The following ELAVL2 variants were observed in gnomAD, a reference collection of about 807,000 sequenced individuals.
The protein encoded by ELAVL2 is ELAV-like protein 2.
In ELAVL2, 4 loss-of-function variants were observed where a neutral mutation model predicts 34.6. That is an observed-to-expected ratio of 0.12 (90% CI 0.06 to 0.26). The LOEUF is 0.26. Among genes scored for constraint, ELAVL2 ranks in the 10% least tolerant of loss-of-function variants. ELAVL2 has a pLI of 1.00. For missense variants in ELAVL2, 432 were observed against 442.8 expected, an observed-to-expected ratio of 0.98 and a Z score of 0.22; for synonymous variants, 193 against 154.8, an observed-to-expected ratio of 1.25 and a Z score of -1.83.
chr9:23,774,983 A>G (rs2136465073), intron 1 of ELAVL2, among the ~76,000 whole-genome samples: 1 of 152,270 alleles, frequency 6.6e-6, no homozygotes, highest in South Asian at 2.1e-4. Flanking sequence ...CTCTCCTATC[A>G]TCTTTCTCCT....
At chr9:23,765,996 A>T (rs529036011) in intron 1 of ELAVL2, among the ~76,000 whole-genome samples, 5 of 152,282 alleles carry the variant, frequency 3.3e-5, no homozygotes, top group African/African-American at 1.2e-4. Flanking sequence ...TTTGCCATAT[A>T]TGCAGATGCT....
At chr9:23,753,733 T>C (rs1008430798) in intron 2 of ELAVL2, among the ~76,000 whole-genome samples, 12 of 152,154 alleles carry the variant, frequency 7.9e-5, no homozygotes, top group African/African-American at 2.7e-4. Context: ...ATGGTGTCTC[T>C]TCTATACCAC....
intron 1 of ELAVL2, among the ~76,000 whole-genome samples, chr9:23,812,250 A>G (rs894992866): frequency 2.6e-5 from 4 of 152,172 alleles, no homozygotes; most frequent in African/African-American, 7.2e-5. Context: ...TGATGAAACA[A>G]TAAGTATTAC....
chr9:23,696,466 T>C (rs1305138420), intron 5 of ELAVL2, among the ~76,000 whole-genome samples: 9 of 152,168 alleles, frequency 5.9e-5, no homozygotes, highest in Non-Finnish European at 1.3e-4. Context: ...GGACATCTTT[T>C]TATTTTATTT....
chr9:23,749,153 C>A (rs1318237461), intron 2 of ELAVL2, among the ~76,000 whole-genome samples: 3 of 151,928 alleles, frequency 2.0e-5, no homozygotes, highest in African/African-American at 7.2e-5. Context: ...TATTTTGCCA[C>A]AATAAAAACA....
At chr9:23,720,777 G>A (rs1179037756) in intron 3 of ELAVL2, among the ~76,000 whole-genome samples, 1 of 152,166 alleles carries the variant, frequency 6.6e-6, no homozygotes, top group Non-Finnish European at 1.5e-5. Flanking sequence ...CTACCCAAGT[G>A]CAAATCATTA....
At chr9:23,764,693 G>A (rs867807568) in intron 1 of ELAVL2, among the ~76,000 whole-genome samples, 2 of 151,718 alleles carry the variant, frequency 1.3e-5, no homozygotes, top group Admixed American at 6.6e-5. Context: ...ATAGAATTAC[G>A]GTAACTTAGT....
chr9:23,779,304 A>T, intron 1 of ELAVL2: 7 of 985,420 alleles, frequency 7.1e-6, no homozygotes, highest in Non-Finnish European at 7.2e-6. Context: ...TCACACTGGC[A>T]AAGTGGGCAG....
the ELAVL2 span, among the ~76,000 whole-genome samples, chr9:23,848,838 C>A: frequency 6.6e-6 from 1 of 152,146 alleles, no homozygotes; most frequent in African/African-American, 2.4e-5. Flanking sequence ...CTGTTTCCAT[C>A]CCAACCTTCA....
At chr9:23,846,929 G>C in the ELAVL2 span, among the ~76,000 whole-genome samples, 2 of 151,968 alleles carry the variant, frequency 1.3e-5, no homozygotes, top group East Asian at 3.9e-4. Context: ...TTTGGAGTCA[G>C]ATAGATTTTT....
intron 2 of ELAVL2, among the ~76,000 whole-genome samples, chr9:23,759,754 TTATA>T (rs774471922): frequency 0.037 from 3,012 of 81,276 alleles, 99 homozygotes; most frequent in African/African-American, 0.071. Context: ...ATATATAGTA[TTATA>T]TATATATATA....
chr9:23,715,643 G>A (rs1380479090), intron 3 of ELAVL2, among the ~76,000 whole-genome samples: 1 of 152,166 alleles, frequency 6.6e-6, no homozygotes, highest in African/African-American at 2.4e-5. Flanking sequence ...TCTGAAACTT[G>A]ACCCAATGAC....
intron 5 of ELAVL2, among the ~76,000 whole-genome samples, chr9:23,701,011 C>G (rs1320373410): frequency 6.6e-6 from 1 of 152,096 alleles, no homozygotes; most frequent in Non-Finnish European, 1.5e-5. Flanking sequence ...TGGGGCTATG[C>G]TGTACACTGT....
At chr9:23,701,636 G>T (rs745725395) in intron 4 of ELAVL2, 32 bp from the exon 5 acceptor site, 1 of 1,604,818 alleles carries the variant, frequency 6.2e-7, no homozygotes, top group Admixed American at 1.7e-5. Context: ...ATTTGGAAAA[G>T]AGGGAACAGA....
intron 1 of ELAVL2, among the ~76,000 whole-genome samples, chr9:23,812,530 T>G (rs1260766540): frequency 6.6e-6 from 1 of 151,924 alleles, no homozygotes; most frequent in East Asian, 1.9e-4. Flanking sequence ...CACCCTGAGG[T>G]GCCGCAATGA....
chr9:23,816,622 A>T (rs2063757956), intron 1 of ELAVL2, among the ~76,000 whole-genome samples: 2 of 152,192 alleles, frequency 1.3e-5, no homozygotes, highest in African/African-American at 4.8e-5. Flanking sequence ...TTTCAACTGT[A>T]TGGTGATATA....
intron 1 of ELAVL2, among the ~76,000 whole-genome samples, chr9:23,780,733 G>A (rs1040156351): frequency 1.3e-5 from 2 of 152,080 alleles, no homozygotes; most frequent in African/African-American, 4.8e-5. Context: ...CAGAACCTAA[G>A]GCATCCATTT....
intron 3 of ELAVL2, among the ~76,000 whole-genome samples, chr9:23,718,541 C>T (rs1232339341): frequency 2.0e-5 from 3 of 152,068 alleles, no homozygotes; most frequent in Admixed American, 6.5e-5. Context: ...TGGCATTTAA[C>T]AGGCAGAGAT....
chr9:23,819,643 G>T (rs896439849), intron 1 of ELAVL2, among the ~76,000 whole-genome samples: 2 of 151,784 alleles, frequency 1.3e-5, no homozygotes, highest in Non-Finnish European at 2.9e-5. Context: ...TCTTTCAAAG[G>T]AAGAAAAAAA....
Sources: gnomAD v4.1 joint callset for allele counts (sites outside exome capture counted in the v4.1 genomes callset) on GRCh38, gnomAD v4.1.1 for gene constraint, MANE v1.5 for transcripts, NCBI Gene and HGNC (gene_info 2026-07-23, HGNC 2026-07-21) for gene names.